Variants in MTMR2 observed in about 807,000 individuals in gnomAD.
The protein encoded by MTMR2 is phosphatidylinositol-3,5-bisphosphate 3-phosphatase MTMR2.
A neutral mutation model predicts 86.9 loss-of-function variants in MTMR2; 55 were observed. The ratio of observed to expected loss-of-function variants is 0.63; its 90% CI spans 0.51 to 0.79. The LOEUF (loss-of-function observed/expected upper bound fraction) is 0.79, where lower values mean the gene tolerates loss of function less well. Among genes scored for constraint, MTMR2 ranks in the 30% least tolerant of loss-of-function variants. The pLI is 0.00. For synonymous variants in MTMR2, 241 were observed against 266.8 expected, an observed-to-expected ratio of 0.90 and a Z score of 0.94; for missense variants, 659 against 772.3, an observed-to-expected ratio of 0.85 and a Z score of 1.74.
At chr11:95,862,647 T>G (rs1864467672) in intron 3 of MTMR2, among the ~76,000 whole-genome samples, 1 of 152,102 alleles carries the variant, frequency 6.6e-6, no homozygotes, top group Non-Finnish European at 1.5e-5. Context: ...CCTGGCTAGA[T>G]AAAACAGGTG....
intron 3 of MTMR2, among the ~76,000 whole-genome samples, chr11:95,864,641 C>T (rs1864541961): frequency 6.6e-6 from 1 of 151,946 alleles, no homozygotes; most frequent in African/African-American, 2.4e-5. Flanking sequence ...TAGTTCAGAT[C>T]AAGAGCTTGG....
chr11:95,853,588 A>G (rs1448597155), intron 7 of MTMR2, among the ~76,000 whole-genome samples: 2 of 152,096 alleles, frequency 1.3e-5, no homozygotes, highest in Non-Finnish European at 1.5e-5. Context: ...GTCTATATCA[A>G]ACGTCTTTCA....
chr11:95,845,986 G>A (rs1863774446), intron 10 of MTMR2, among the ~76,000 whole-genome samples: 1 of 150,884 alleles, frequency 6.6e-6, no homozygotes. Flanking sequence ...ACGCAGATGA[G>A]AATGAAAGAA....
rs1197646943 is a variant in MTMR2, at chr11:95,865,473, G to T, written c.262+128C>A. 4 of 865,098 alleles carry T rather than the reference G, an allele frequency of 4.6e-6. No homozygotes were observed. The East Asian group carries it at 7.3e-5, about 16-fold the overall frequency. 53.6% of individuals were successfully genotyped at this position (865,098 alleles called of 1,614,324 possible). A position where few individuals can be genotyped will look rare whatever the true frequency, so the allele number is the denominator to read the frequency against. On this transcript the variant is annotated intron_variant, in intron 3 of 14. Transcript: ENST00000346299. Reference sequence around the variant, plus strand: ...AACACACTAAGATGCTGAGAAGACTGCAGGTAAAGAGTTCTGCCAGACAGG... The same window carrying T: ...AACACACTAAGATGCTGAGAAGACTTCAGGTAAAGAGTTCTGCCAGACAGG...
intron 1 of MTMR2, among the ~76,000 whole-genome samples, chr11:95,920,572 C>T (rs1199501602): frequency 1.3e-5 from 2 of 151,416 alleles, no homozygotes. Context: ...AATGAAATTG[C>T]CCTTTTGTGG....
chr11:95,923,928 A>C lies in MTMR2; in HGVS notation c.27T>G (p.Ser9Arg), dbSNP rs1407177717. 6.4e-7 allele frequency: 1 copy of C among 1,561,456 alleles called. No homozygotes were observed. The highest frequency in any genetic ancestry group is 8.7e-7 in the Non-Finnish European group (1 of 1,152,412). MEKSSSCE[S>R]LGSQPAAARP... Reference sequence around the variant, plus strand: ...GAGCCGCCGCCGGCTGGGAGCCAAGACTCTCGCAGCTCGAGCTCTTCTCCA... The same window carrying C: ...GAGCCGCCGCCGGCTGGGAGCCAAGCCTCTCGCAGCTCGAGCTCTTCTCCA... The change falls in exon 1 of 15, where the codon AGT becomes AGG. Residue 9 changes from serine (S) to arginine (R), a missense_variant. Ser to Arg is a moderately radical substitution (Grantham distance 110, BLOSUM62 -1). This residue lies in a region of MTMR2 where 79 missense variants were observed against 54.4 expected (regional missense o/e 1.45). Coordinates refer to ENST00000346299, the MANE Select transcript of MTMR2 (RefSeq NM_016156.6).
chr11:95,890,618 C>T (rs1348683999), intron 1 of MTMR2, among the ~76,000 whole-genome samples: 1 of 152,220 alleles, frequency 6.6e-6, no homozygotes, highest in African/African-American at 2.4e-5. Flanking sequence ...TTTGAAAATA[C>T]AAGAGCCATC....
chr11:95,923,962 C>T lies in MTMR2; in HGVS notation c.-8G>A, dbSNP rs773361720. ...GCTCGAGCTCTTCTCCATCGCGCGG[C>T]AGGGGCAGCACAGGGAAAGGCTGAA... is the stretch of plus-strand genomic sequence containing the variant. On this transcript the variant is annotated 5_prime_UTR_variant, in exon 1 of 15. Coordinates refer to ENST00000346299, the MANE Select transcript of MTMR2 (RefSeq NM_016156.6). The T allele has an allele frequency of 1.1e-5, 17 of 1,556,112 alleles. No individual in the cohort carries two copies. Among genetic ancestry groups the T allele is most frequent in the Non-Finnish European group, 1.3e-5 (15 of 1,149,570 alleles).
At chr11:95,869,970 G>T (rs1285657596) in intron 2 of MTMR2, among the ~76,000 whole-genome samples, 1 of 152,046 alleles carries the variant, frequency 6.6e-6, no homozygotes, top group Non-Finnish European at 1.5e-5. Flanking sequence ...CAGGGATTTG[G>T]GTTGTACAGG....
At chr11:95,883,983 A>G (rs983809942) in intron 2 of MTMR2, among the ~76,000 whole-genome samples, 1 of 152,210 alleles carries the variant, frequency 6.6e-6, no homozygotes, top group African/African-American at 2.4e-5. Context: ...ATAAAATGTG[A>G]AGGCTCAGGA....
intron 2 of MTMR2, chr11:95,887,741 C>T (rs1357949953): frequency 5.0e-6 from 1 of 199,370 alleles, no homozygotes. Context: ...ATTACTTAAT[C>T]TCTACAAGTT....
chr11:95,923,929 C>T lies in MTMR2; in HGVS notation c.26G>A (p.Ser9Asn), dbSNP rs1867036191. The T allele has an allele frequency of 6.4e-7, 1 of 1,561,182 alleles. No individual in the cohort carries two copies. The highest frequency in any genetic ancestry group is 1.4e-5 in the African/African-American group (1 of 73,776). Residue 9 changes from serine to asparagine, a missense_variant, in exon 1 of 15, where the codon AGT becomes AAT. Physicochemically the swap from Ser to Asn is conservative, Grantham distance 46. This residue lies in a region of MTMR2 where 79 missense variants were observed against 54.4 expected (regional missense o/e 1.45). Transcript: ENST00000346299. ...AGCCGCCGCCGGCTGGGAGCCAAGA[C>T]TCTCGCAGCTCGAGCTCTTCTCCAT... MEKSSSCESLGSQPAAARP... is the reference protein window; with the variant it reads MEKSSSCENLGSQPAAARP...
Position 95,862,336 on chromosome 11 carries a change from G to A in MTMR2, c.293C>T (p.Thr98Ile). 6.2e-7 allele frequency: 1 copy of A among 1,614,078 alleles called. No individual in the cohort carries two copies. The highest frequency in any genetic ancestry group is 8.5e-7 in the Non-Finnish European group (1 of 1,179,992). The change falls in exon 4 of 15, where the codon ACT becomes ATT. Residue 98 changes from threonine to isoleucine, a missense_variant. By Grantham distance (89) the Thr-to-Ile change is moderately conservative. Around this residue, in one of 3 missense-constraint regions of MTMR2, gnomAD observed 387 missense variants for 526.3 expected, o/e 0.74. Coordinates refer to ENST00000346299, the MANE Select transcript of MTMR2 (RefSeq NM_016156.6). Reference protein sequence around the residue: ...AKDVTYICPFTGAVRGTLTVT... With the variant: ...AKDVTYICPFIGAVRGTLTVT... ...AGTCAGAGTTCCTCGTACAGCGCCA[G>A]TGAATGGACATATATAAGTTACATC...
At chr11:95,862,232 A>G in intron 4 of MTMR2, 40 bp downstream of exon 4, 1 of 1,557,592 alleles carries the variant, frequency 6.4e-7, no homozygotes, top group Non-Finnish European at 8.8e-7. Context: ...GCTACAAACA[A>G]CACACTCATG....
chr11:95,846,400 A>G (rs1455911930), intron 10 of MTMR2, among the ~76,000 whole-genome samples: 2 of 152,198 alleles, frequency 1.3e-5, no homozygotes, highest in South Asian at 4.1e-4. Context: ...CCCACCAGTC[A>G]CAAATAAACA....
At chr11:95,849,634 TC>T (rs745349973) in intron 9 of MTMR2, 39 bp downstream of exon 9, 3 of 1,590,590 alleles carry the variant, frequency 1.9e-6, no homozygotes, top group Non-Finnish European at 2.6e-6. Context: ...CTCAGCTGAT[TC>T]ATGAAACCAT....
chr11:95,923,599 G>A, intron 1 of MTMR2: 1 of 1,204,610 alleles, frequency 8.3e-7, no homozygotes, highest in South Asian at 1.8e-5. Context: ...AAAGACAGGA[G>A]AAAGTAATTA....
intron 11 of MTMR2, among the ~76,000 whole-genome samples, chr11:95,842,018 A>G (rs1332794906): frequency 1.3e-5 from 2 of 152,186 alleles, no homozygotes; most frequent in Non-Finnish European, 2.9e-5. Flanking sequence ...GCTTGCGCCC[A>G]AAAGTACAGG....
At chr11:95,912,358 G>A (rs1302143991) in intron 1 of MTMR2, among the ~76,000 whole-genome samples, 2 of 151,344 alleles carry the variant, frequency 1.3e-5, no homozygotes, top group Non-Finnish European at 2.9e-5. Flanking sequence ...TGTTTCCATG[G>A]TTATGAAAAG....
Sources: allele counts gnomAD v4.1 joint callset (sites outside exome capture counted in the v4.1 genomes callset), GRCh38; gene constraint gnomAD v4.1.1; regional missense constraint gnomAD v4.1.1; transcripts MANE v1.5; gene names NCBI Gene and HGNC (gene_info 2026-07-23, HGNC 2026-07-21).